The following NPAS3 variants were observed in gnomAD, a reference collection of about 807,000 sequenced individuals.
NPAS3 encodes neuronal PAS domain-containing protein 3.
A neutral mutation model predicts 73.1 loss-of-function variants in NPAS3; 14 were observed. The ratio of observed to expected loss-of-function variants is 0.19; its 90% CI spans 0.13 to 0.30. The LOEUF is 0.30. Ranked by LOEUF, NPAS3 falls within the 10% of genes least tolerant of loss-of-function variation. NPAS3 has a pLI of 1.00. For missense variants in NPAS3, 1,096 were observed against 1,250.0 expected, an observed-to-expected ratio of 0.88 and a Z score of 1.86; for synonymous variants, 620 against 541.5, an observed-to-expected ratio of 1.14 and a Z score of -2.01.
At chr14:33,163,597 G>A (rs2044993919) in intron 2 of NPAS3, among the ~76,000 whole-genome samples, 1 of 148,344 alleles carries the variant, frequency 6.7e-6, no homozygotes, top group Admixed American at 6.8e-5. Flanking sequence ...TCACACTTAA[G>A]AATACTTAAG....
chr14:33,318,139 G>A (rs1476546295), intron 3 of NPAS3, among the ~76,000 whole-genome samples: 2 of 151,990 alleles, frequency 1.3e-5, no homozygotes, highest in Admixed American at 6.6e-5. Flanking sequence ...GGGTATATAC[G>A]TACAAGGGAA....
chr14:33,631,062 G>A (rs1351367506), intron 5 of NPAS3, among the ~76,000 whole-genome samples: 3 of 152,192 alleles, frequency 2.0e-5, no homozygotes, highest in Admixed American at 2.0e-4. Flanking sequence ...ATCCCCCTGA[G>A]CATCCAGCTT....
At chr14:33,148,744 T>C (rs1337572514) in intron 2 of NPAS3, among the ~76,000 whole-genome samples, 4 of 152,158 alleles carry the variant, frequency 2.6e-5, no homozygotes. Flanking sequence ...TAGGTTATAG[T>C]GGCGTGATCA....
intron 5 of NPAS3, among the ~76,000 whole-genome samples, chr14:33,628,907 C>T (rs1333924222): frequency 6.6e-6 from 1 of 152,188 alleles, no homozygotes; most frequent in Non-Finnish European, 1.5e-5. Flanking sequence ...ATACCTTCCC[C>T]ATGAACATCC....
chr14:33,292,156 C>T (rs920274742), intron 3 of NPAS3, among the ~76,000 whole-genome samples: 1 of 152,154 alleles, frequency 6.6e-6, no homozygotes, highest in Admixed American at 6.5e-5. Context: ...AACTTACATT[C>T]CAGGGTGTTT....
At chr14:33,536,032 T>A (rs1021538309) in intron 4 of NPAS3, among the ~76,000 whole-genome samples, 2 of 152,136 alleles carry the variant, frequency 1.3e-5, no homozygotes, top group Admixed American at 1.3e-4. Context: ...GCTCCTGACT[T>A]TGGCCTCGTA....
chr14:32,980,534 G>A (rs1367949706), intron 1 of NPAS3, among the ~76,000 whole-genome samples: 1 of 152,114 alleles, frequency 6.6e-6, no homozygotes, highest in Non-Finnish European at 1.5e-5. Context: ...GTAATGAGCT[G>A]TAAATTAGAA....
At chr14:32,974,800 T>C (rs2139346008) in intron 1 of NPAS3, among the ~76,000 whole-genome samples, 1 of 151,810 alleles carries the variant, frequency 6.6e-6, no homozygotes, top group South Asian at 2.1e-4. Context: ...TTACATCTCA[T>C]TGGTCAGAAC....
intron 1 of NPAS3, among the ~76,000 whole-genome samples, chr14:32,989,447 A>C (rs2038226514): frequency 6.6e-6 from 1 of 152,122 alleles, no homozygotes; most frequent in African/African-American, 2.4e-5. Flanking sequence ...GATCGAGACC[A>C]TCCTGGCTAA....
In NPAS3 at chr14:33,587,580, TCTC is replaced by T. The variant is rs138354676; in HGVS notation, c.558+27383_558+27385del. Among the ~76,000 whole-genome samples the T allele has an allele frequency of 0.013, 2,014 of 152,222 alleles. 104 individuals are homozygous for T. The East Asian group carries it at 0.19, about 14-fold the overall frequency. Reference sequence around the variant, plus strand: ...CACACTTAGCATAGTACCGGACACTTCTCCTCCTCCTCCTCTTCATTGTTGTTA... The same window carrying T: ...CACACTTAGCATAGTACCGGACACTTCTCCTCCTCCTCTTCATTGTTGTTA... On this transcript the variant is annotated intron_variant, in intron 5 of 11. Transcript: ENST00000356141.
intron 6 of NPAS3, among the ~76,000 whole-genome samples, chr14:33,686,682 G>A (rs1300290185): frequency 6.6e-6 from 1 of 152,138 alleles, no homozygotes; most frequent in Non-Finnish European, 1.5e-5. Context: ...CATACAGATA[G>A]TAGGTAGACG....
chr14:33,479,745 G>A (rs1238266367), intron 4 of NPAS3, among the ~76,000 whole-genome samples: 2 of 149,144 alleles, frequency 1.3e-5, no homozygotes, highest in African/African-American at 5.1e-5. Context: ...CTCCTCTTGT[G>A]CTTAACCCTT....
At chr14:33,707,889 A>T (rs1316271662) in intron 6 of NPAS3, among the ~76,000 whole-genome samples, 1 of 152,206 alleles carries the variant, frequency 6.6e-6, no homozygotes, top group African/African-American at 2.4e-5. Flanking sequence ...CACACAGCAC[A>T]GTGAGTCAAT....
At chr14:33,569,046 G>A (rs2056094855) in intron 5 of NPAS3, among the ~76,000 whole-genome samples, 1 of 152,098 alleles carries the variant, frequency 6.6e-6, no homozygotes, top group Non-Finnish European at 1.5e-5. Flanking sequence ...CATACAATTT[G>A]TTTCTTTCTG....
intron 6 of NPAS3, among the ~76,000 whole-genome samples, chr14:33,690,216 T>C (rs1383934657): frequency 1.3e-5 from 2 of 152,168 alleles, no homozygotes; most frequent in Admixed American, 6.5e-5. Context: ...GTACTCGGTA[T>C]TGGTTTGAAC....
chr14:33,127,319 G>T (rs962272496), intron 2 of NPAS3, among the ~76,000 whole-genome samples: 11 of 151,794 alleles, frequency 7.2e-5, no homozygotes, highest in Non-Finnish European at 1.3e-4. Flanking sequence ...TGAAGTGTTT[G>T]GTTTTTTAAT....
At chr14:33,240,613 G>GA (rs1445365326) in intron 3 of NPAS3, among the ~76,000 whole-genome samples, 1 of 151,032 alleles carries the variant, frequency 6.6e-6, no homozygotes, top group Non-Finnish European at 1.5e-5. Context: ...CACTGTTGGA[G>GA]AAGCCAAAGG....
At chr14:33,737,398 C>G (rs1001105238) in intron 7 of NPAS3, among the ~76,000 whole-genome samples, 3 of 152,116 alleles carry the variant, frequency 2.0e-5, no homozygotes, top group Non-Finnish European at 4.4e-5. Flanking sequence ...AAAAGTGCAA[C>G]CTTGAACATC....
chr14:33,051,501 A>G (rs2040710924), intron 1 of NPAS3, among the ~76,000 whole-genome samples: 1 of 152,156 alleles, frequency 6.6e-6, no homozygotes, highest in South Asian at 2.1e-4. Flanking sequence ...ATTTGTAGCT[A>G]TGAATGTCCA....
Sources: allele counts gnomAD v4.1 joint callset (sites outside exome capture counted in the v4.1 genomes callset), GRCh38; gene constraint gnomAD v4.1.1; transcripts MANE v1.5; gene names NCBI Gene and HGNC (gene_info 2026-07-23, HGNC 2026-07-21).